The following GPR63 variants were observed in gnomAD, a reference collection of about 807,000 sequenced individuals.
The protein encoded by GPR63 is probable G protein-coupled receptor 63.
Under a neutral mutation model 23.1 loss-of-function variants are expected in GPR63, and 12 were observed. The ratio of observed to expected loss-of-function variants is 0.52; its 90% CI spans 0.33 to 0.84. The LOEUF is 0.84. GPR63 is among the 40% of genes least tolerant of loss of function. GPR63 has a pLI of 0.02. For missense variants in GPR63, 472 were observed against 515.6 expected (o/e 0.92, Z 0.82); for synonymous variants, 172 against 191.1 (o/e 0.90, Z 0.82).
intron 1 of GPR63, among the ~76,000 whole-genome samples, chr6:96,819,510 C>G (rs1774247091): frequency 6.6e-6 from 1 of 151,796 alleles, no homozygotes; most frequent in Non-Finnish European, 1.5e-5. Flanking sequence ...CACACTGGGG[C>G]CTGTCGGGGT....
chr6:96,808,223 C>T (rs1292613682), intron 1 of GPR63, among the ~76,000 whole-genome samples: 2 of 151,826 alleles, frequency 1.3e-5, no homozygotes, highest in African/African-American at 4.8e-5. Context: ...GGCTCTATAC[C>T]GTGATTACAG....
intron 1 of GPR63, among the ~76,000 whole-genome samples, chr6:96,816,990 A>G (rs1774180561): frequency 6.6e-6 from 1 of 152,230 alleles, no homozygotes. Flanking sequence ...CACAAACAGG[A>G]TGTCAAAAGC....
At chr6:96,816,318 T>C (rs1435466164) in intron 1 of GPR63, among the ~76,000 whole-genome samples, 1 of 152,196 alleles carries the variant, frequency 6.6e-6, no homozygotes, top group Admixed American at 6.5e-5. Context: ...AGCAAGTTGA[T>C]ACTCCACCAA....
chr6:96,814,370 T>G (rs1774112421), intron 1 of GPR63, among the ~76,000 whole-genome samples: 1 of 152,164 alleles, frequency 6.6e-6, no homozygotes. Flanking sequence ...AAAAAAAATT[T>G]CAGATGTGCA....
In GPR63 at chr6:96,795,427, G is replaced by A. The variant is rs1773556685; in HGVS notation, c.*3045C>T. On this transcript the variant is annotated 3_prime_UTR_variant, in exon 2 of 2. Coordinates refer to ENST00000229955, the MANE Select transcript of GPR63 (RefSeq NM_030784.4). Reference sequence around the variant, plus strand: ...GATTTTGCACCTACGTTTCTCAAAGGTGCTCCATAGTACTTATTTTTAAAG... The same window carrying A: ...GATTTTGCACCTACGTTTCTCAAAGATGCTCCATAGTACTTATTTTTAAAG... 1 of 152,142 alleles carries A rather than the reference G, an allele frequency of 6.6e-6. No homozygotes were observed. Among genetic ancestry groups the A allele is most frequent in the South Asian group, 2.1e-4 (1 of 4,822 alleles). 9.4% of individuals were successfully genotyped at this position (152,142 alleles called of 1,614,324 possible). A position where few individuals can be genotyped will look rare whatever the true frequency, so the allele number is the denominator to read the frequency against.
In GPR63 at chr6:96,815,131, G is replaced by A. The variant is rs73757985; in HGVS notation, c.-150-15250C>T. ...CTTCAACTCCTTCAAAATGCAACTGGTAAGGTTGACACTCACCATTTATAT... is the reference window on the plus strand; with the variant it reads ...CTTCAACTCCTTCAAAATGCAACTGATAAGGTTGACACTCACCATTTATAT... On this transcript the variant is annotated intron_variant, in intron 1 of 1. Transcript: ENST00000229955. Among the ~76,000 whole-genome samples the A allele has an allele frequency of 3.5e-3, 538 of 152,298 alleles. 6 individuals are homozygous for A. The highest frequency in any genetic ancestry group is 0.012 in the African/African-American group (515 of 41,558).
At position 96,799,186 on chromosome 6, in the gene GPR63, A is replaced by C; in HGVS notation, c.546T>G (p.Ile182Met). 6.2e-7 allele frequency: 1 copy of C among 1,614,118 alleles called. No homozygotes were observed. Among genetic ancestry groups the C allele is most frequent in the Non-Finnish European group, 8.5e-7 (1 of 1,179,972 alleles). ...TTAGCTTATCCTGCCTCTGGACTAT[A>C]ATAAGGAACCTATCTATGCTAATGA... Reference protein sequence around the residue: ...LLIISIDRFLIIVQRQDKLNP... With the variant: ...LLIISIDRFLMIVQRQDKLNP... Residue 182 changes from isoleucine (I) to methionine (M), a missense_variant, in exon 2 of 2, where the codon ATT (isoleucine) becomes ATG (methionine). Ile to Met is a conservative substitution (Grantham distance 10). Transcript: ENST00000229955.
At position 96,799,511 on chromosome 6, in the gene GPR63, T is replaced by C. The variant is rs774376121; in HGVS notation, c.221A>G (p.Lys74Arg). The change falls in exon 2 of 2, where the codon AAG becomes AGG. Residue 74 changes from lysine (K) to arginine (R), a missense_variant. By Grantham distance (26) the Lys-to-Arg change is conservative. Coordinates refer to ENST00000229955, the MANE Select transcript of GPR63 (RefSeq NM_030784.4). Reference protein sequence around the residue: ...TAVPTTPAAFKSLNLPLQITL... With the variant: ...TAVPTTPAAFRSLNLPLQITL... ...GATCTGAAGAGGCAAGTTTAGGCTC[T>C]TAAATGCTGCTGGTGTTGTGGGCAC... The C allele has an allele frequency of 1.6e-5, 26 of 1,614,082 alleles. No individual in the cohort carries two copies. Among genetic ancestry groups the C allele is most frequent in the Middle Eastern group, 1.6e-4 (1 of 6,084 alleles).
Position 96,799,274 on chromosome 6 carries a change from A to G in GPR63, c.458T>C (p.Phe153Ser), listed in dbSNP as rs1360236414. 1 of 1,614,060 alleles carries G rather than the reference A, an allele frequency of 6.2e-7. No individual in the cohort carries two copies. Among genetic ancestry groups the G allele is most frequent in the Non-Finnish European group, 8.5e-7 (1 of 1,180,032 alleles). The part of the protein sequence containing the change: ...LTTRWIFGKF[F>S]CRVSAMFFWL... Reference sequence around the variant, plus strand: ...GAAAAACATAGCAGATACCCTACAGAAGAATTTCCCAAAAATCCATCGGGT... The same window carrying G: ...GAAAAACATAGCAGATACCCTACAGGAGAATTTCCCAAAAATCCATCGGGT... Residue 153 changes from phenylalanine to serine, a missense_variant, in exon 2 of 2, where the codon TTC becomes TCC. Phe to Ser is a radical substitution (Grantham distance 155, BLOSUM62 -2). Coordinates refer to ENST00000229955, the MANE Select transcript of GPR63 (RefSeq NM_030784.4).
chr6:96,798,857 C>G lies in GPR63; in HGVS notation c.875G>C (p.Gly292Ala), dbSNP rs773683567. 3 of 1,614,046 alleles carry G rather than the reference C, an allele frequency of 1.9e-6. No individual in the cohort carries two copies. The highest frequency in any genetic ancestry group is 2.5e-6 in the Non-Finnish European group (3 of 1,180,056). ...GAAAGGTCTCTGCAGACTCATGAGA[C>G]CCAGTTTGCTGGCCTGGCTGAGGCA... is the stretch of plus-strand genomic sequence containing the variant. Reference protein sequence around the residue: ...GICLSQASKLGLMSLQRPFQM... With the variant: ...GICLSQASKLALMSLQRPFQM... Residue 292 changes from glycine (G) to alanine (A), a missense_variant, in exon 2 of 2, where the codon GGT becomes GCT. Coordinates refer to ENST00000229955, the MANE Select transcript of GPR63 (RefSeq NM_030784.4).
intron 1 of GPR63, among the ~76,000 whole-genome samples, chr6:96,826,891 C>T (rs577136622): frequency 6.2e-4 from 94 of 151,936 alleles, no homozygotes; most frequent in Admixed American, 1.3e-3. Flanking sequence ...AGAAATAAAG[C>T]ATCATCAAAC....
At chr6:96,826,748 G>C (rs1169573441) in intron 1 of GPR63, among the ~76,000 whole-genome samples, 1 of 151,454 alleles carries the variant, frequency 6.6e-6, no homozygotes, top group African/African-American at 2.4e-5. Flanking sequence ...GGGTAAAAGT[G>C]AACAAAAAAT....
rs748511392 is a variant in GPR63, at chr6:96,798,745, T to TGGG, written c.984_986dup (p.Pro329dup). ...TTGCCACAAGGCTGTAAGTGGTGAA[T>TGGG]GGGGCCCAGCAGACAATGAAGACAG... On this transcript the variant is annotated inframe_insertion, in exon 2 of 2. Coordinates refer to ENST00000229955, the MANE Select transcript of GPR63 (RefSeq NM_030784.4). The TGGG allele has an allele frequency of 1.2e-6, 2 of 1,614,014 alleles. No homozygotes were observed. Among genetic ancestry groups the TGGG allele is most frequent in the South Asian group, 2.2e-5 (2 of 91,086 alleles).
At position 96,796,254 on chromosome 6, in the gene GPR63, TCTTCAAAAATCTATAC is replaced by T. The variant is rs1773576121; in HGVS notation, c.*2202_*2217del. 2 of 152,208 alleles carry T rather than the reference TCTTCAAAAATCTATAC, an allele frequency of 1.3e-5. No homozygotes were observed. The highest frequency in any genetic ancestry group is 4.8e-5 in the African/African-American group (2 of 41,446). 9.4% of individuals were successfully genotyped at this position (152,208 alleles called of 1,614,324 possible). Reference sequence around the variant, plus strand: ...GAGGTGATGCTGAAGTCAGCTAGGCTCTTCAAAAATCTATACCCTAGTATAGAGGAAAGCACATTTG... The same window carrying T: ...GAGGTGATGCTGAAGTCAGCTAGGCTCCTAGTATAGAGGAAAGCACATTTG... On this transcript the variant is annotated 3_prime_UTR_variant, in exon 2 of 2. Coordinates refer to ENST00000229955, the MANE Select transcript of GPR63 (RefSeq NM_030784.4).
chr6:96,819,412 C>T (rs191616669), intron 1 of GPR63, among the ~76,000 whole-genome samples: 127 of 152,070 alleles, frequency 8.4e-4, no homozygotes, highest in African/African-American at 3.0e-3. Context: ...AGCAAACTAA[C>T]GGGAACAGAA....
chr6:96,805,557 G>A (rs1254397930), intron 1 of GPR63, among the ~76,000 whole-genome samples: 2 of 152,150 alleles, frequency 1.3e-5, no homozygotes, highest in East Asian at 3.9e-4. Flanking sequence ...CATGATTAAT[G>A]AAGTTTGGGC....
At chr6:96,822,986 T>C (rs919930862) in intron 1 of GPR63, among the ~76,000 whole-genome samples, 2 of 152,194 alleles carry the variant, frequency 1.3e-5, no homozygotes, top group Non-Finnish European at 2.9e-5. Flanking sequence ...TCCTATCACC[T>C]AATGACATCG....
rs182555864 is a variant in GPR63 at position 96,799,438 on chromosome 6, C to G, written c.294G>C (p.Gly98=). The change falls in exon 2 of 2, where the codon GGG becomes GGC. Residue 98 remains glycine, a synonymous_variant. Transcript: ENST00000229955. ...AAACCATGAGGCAAACAACCAAGTTCCCAAGAAAAGACACAAACAGAATGA... is the reference window on the plus strand; with the variant it reads ...AAACCATGAGGCAAACAACCAAGTTGCCAAGAAAAGACACAAACAGAATGA... ...MIFILFVSFL[G]NLVVCLMVYQ... 1.9e-6 allele frequency: 3 copies of G among 1,613,948 alleles called. No individual in the cohort carries two copies. The highest frequency in any genetic ancestry group is 2.5e-6 in the Non-Finnish European group (3 of 1,180,024).
chr6:96,806,326 C>A (rs976416136), intron 1 of GPR63, among the ~76,000 whole-genome samples: 2 of 152,222 alleles, frequency 1.3e-5, no homozygotes, highest in Non-Finnish European at 2.9e-5. Flanking sequence ...ACCACTAATA[C>A]AGAGACACAG....
Sources: gnomAD v4.1 joint callset for allele counts (sites outside exome capture counted in the v4.1 genomes callset) on GRCh38, gnomAD v4.1.1 for gene constraint, MANE v1.5 for transcripts, NCBI Gene and HGNC (gene_info 2026-07-23, HGNC 2026-07-21) for gene names.